Variants in JPH1 observed in about 807,000 individuals in gnomAD.
JPH1 encodes junctophilin 1.
In JPH1, 12 loss-of-function variants were observed where a neutral mutation model predicts 53.6. That is an observed-to-expected ratio of 0.22 (90% CI 0.14 to 0.36). The LOEUF is 0.36. Among genes scored for constraint, JPH1 ranks in the 10% least tolerant of loss-of-function variants. JPH1 has a pLI of 1.00. For synonymous variants in JPH1, 375 were observed against 363.8 expected (o/e 1.03, Z -0.35); for missense variants, 808 against 905.5 (o/e 0.89, Z 1.38).
intron 3 of JPH1, 42 bp from the exon 4 acceptor site, chr8:74,245,217 A>G: frequency 1.3e-6 from 2 of 1,488,294 alleles, no homozygotes; most frequent in South Asian, 1.4e-5. Flanking sequence ...GAAAGGAGGT[A>G]TATATACATA....
chr8:74,284,706 T>C (rs947049255), intron 2 of JPH1, among the ~76,000 whole-genome samples: 1 of 151,612 alleles, frequency 6.6e-6, no homozygotes, highest in African/African-American at 2.4e-5. Flanking sequence ...AAGGCTTTTT[T>C]CCCCCAACAC....
Position 74,305,603 on chromosome 8 carries a change from C to T in JPH1, c.1139+9258G>A, listed in dbSNP as rs564647413. On this transcript the variant is annotated intron_variant, in intron 2 of 5. Transcript: ENST00000342232. Reference sequence around the variant, plus strand: ...CAAGCTCAGGCTTCTACAGTTAAAACAGGGTCAACATGTGTCCCCACAACC... The same window carrying T: ...CAAGCTCAGGCTTCTACAGTTAAAATAGGGTCAACATGTGTCCCCACAACC... 2.0e-5 allele frequency among the ~76,000 whole-genome samples: 3 copies of T among 152,326 alleles called. No individual in the cohort carries two copies. The South Asian group carries it at 6.2e-4, about 32-fold the overall frequency.
intron 2 of JPH1, among the ~76,000 whole-genome samples, chr8:74,261,900 T>C (rs1438939271): frequency 6.6e-6 from 1 of 152,230 alleles, no homozygotes; most frequent in South Asian, 2.1e-4. Flanking sequence ...TACAGTCAAA[T>C]AAAACAGCAG....
Position 74,315,275 on chromosome 8 carries a change from T to A in JPH1, c.725A>T (p.Asp242Val). The change falls in exon 2 of 6, where the codon GAC becomes GTC. Residue 242 changes from aspartate (D) to valine (V), a missense_variant. Transcript: ENST00000342232. This position sits in a 1 kb window ranked among gnomAD's most constrained non-coding sequence, Gnocchi z 6.3. ...GGAACTAATTCTGCTCATGGCCGCG[T>A]CGCTGCGGACAGAGCTGCGCTTGCT... Reference protein sequence around the residue: ...ISSKRSSVRSDAAMSRISSSD... With the variant: ...ISSKRSSVRSVAAMSRISSSD... 1 of 1,614,118 alleles carries A rather than the reference T, an allele frequency of 6.2e-7. No individual in the cohort carries two copies. The highest frequency in any genetic ancestry group is 1.6e-4 in the Middle Eastern group (1 of 6,062).
chr8:74,321,494 T>A lies in JPH1; in HGVS notation c.-207A>T. 2.1e-6 allele frequency: 1 copy of A among 479,524 alleles called. No homozygotes were observed. Among genetic ancestry groups the A allele is most frequent in the South Asian group, 4.7e-5 (1 of 21,450 alleles). The allele number at this position is 479,524 out of a possible 1,614,324, so 29.7% of individuals were successfully genotyped here. A position where few individuals can be genotyped will look rare whatever the true frequency, so the allele number is the denominator to read the frequency against. ...GCCACCGCCGCCTTCCTCCTCCTCC[T>A]CCTCCTCCTTCGCCGCCGCCGCCTG... On this transcript the variant is annotated 5_prime_UTR_variant, in exon 1 of 6. Coordinates refer to ENST00000342232, the MANE Select transcript of JPH1 (RefSeq NM_020647.4). This position sits in a 1 kb window ranked among gnomAD's most constrained non-coding sequence, Gnocchi z 4.3.
At chr8:74,275,493 C>G (rs1806820304) in intron 2 of JPH1, among the ~76,000 whole-genome samples, 1 of 152,184 alleles carries the variant, frequency 6.6e-6, no homozygotes. Flanking sequence ...TTCCCAAGCT[C>G]TCTGGTATTC....
intron 3 of JPH1, among the ~76,000 whole-genome samples, chr8:74,253,587 A>C (rs1806130670): frequency 6.6e-6 from 1 of 152,138 alleles, no homozygotes; most frequent in African/African-American, 2.4e-5. Context: ...CCCTTCAAAA[A>C]ATTAATGAAT....
chr8:74,315,373 G>C lies in JPH1; in HGVS notation c.627C>G (p.Gly209=). The change falls in exon 2 of 6, where the codon GGC becomes GGG. Residue 209 remains glycine (G), a synonymous_variant. Transcript: ENST00000342232. The surrounding 1 kb of genome is among the most constrained non-coding windows in gnomAD (Gnocchi z 6.3). ...GAAGGGAGCCCCTCCGGAAGAGGCC[G>C]CCCTTCTTCTTGCCCGCTAGCTCAG... ...ADAELAGKKK[G]GLFRRGSLLG... The C allele has an allele frequency of 6.2e-7, 1 of 1,612,654 alleles. No homozygotes were observed. Among genetic ancestry groups the C allele is most frequent in the Non-Finnish European group, 8.5e-7 (1 of 1,179,930 alleles).
intron 2 of JPH1, among the ~76,000 whole-genome samples, chr8:74,311,225 T>C (rs1807984957): frequency 6.6e-6 from 1 of 152,238 alleles, no homozygotes; most frequent in Non-Finnish European, 1.5e-5. Context: ...GATGAACTAG[T>C]GACTTCAACA....
chr8:74,253,812 T>C (rs1806139132), intron 3 of JPH1, among the ~76,000 whole-genome samples: 1 of 151,998 alleles, frequency 6.6e-6, no homozygotes, highest in African/African-American at 2.4e-5. Flanking sequence ...ATAAATTCCT[T>C]GACACAAACA....
intron 1 of JPH1, among the ~76,000 whole-genome samples, chr8:74,318,416 A>C (rs990055431): frequency 6.6e-6 from 1 of 152,174 alleles, no homozygotes; most frequent in African/African-American, 2.4e-5. Flanking sequence ...GCATCTAGTT[A>C]ACAAAACGTT....
At chr8:74,312,461 A>T (rs1054073483) in intron 2 of JPH1, among the ~76,000 whole-genome samples, 1 of 152,114 alleles carries the variant, frequency 6.6e-6, no homozygotes, top group Non-Finnish European at 1.5e-5. Flanking sequence ...TGTTGCAGAG[A>T]TTGGTCTTGA....
chr8:74,237,176 T>C (rs770588056), intron 5 of JPH1, 32 bp downstream of exon 5: 4 of 1,347,848 alleles, frequency 3.0e-6, no homozygotes, highest in Non-Finnish European at 4.2e-6. Flanking sequence ...TTATTTACTA[T>C]GATTTTAGAT....
At chr8:74,314,743 A>AT (rs1808090467) in intron 2 of JPH1, 118 bp downstream of exon 2, 1 of 1,198,882 alleles carries the variant, frequency 8.3e-7, no homozygotes, top group Non-Finnish European at 1.2e-6. Context: ...TTCACCTTTG[A>AT]TTTTTTAGTA....
intron 2 of JPH1, among the ~76,000 whole-genome samples, chr8:74,296,142 G>A (rs1807512716): frequency 6.6e-6 from 1 of 151,728 alleles, no homozygotes; most frequent in South Asian, 2.1e-4. Context: ...TTAACTCAAA[G>A]GAGATAAATC....
At chr8:74,274,016 T>C (rs1806778321) in intron 2 of JPH1, among the ~76,000 whole-genome samples, 1 of 152,198 alleles carries the variant, frequency 6.6e-6, no homozygotes, top group African/African-American at 2.4e-5. Context: ...ATTTTAATTC[T>C]GGACAAGTTG....
intron 2 of JPH1, among the ~76,000 whole-genome samples, chr8:74,265,449 G>T (rs1023775558): frequency 1.6e-4 from 25 of 152,096 alleles, no homozygotes; most frequent in African/African-American, 6.0e-4. Context: ...TCCTTGATTG[G>T]AATATGCCAA....
At chr8:74,308,173 CTA>C (rs1563421075) in intron 2 of JPH1, among the ~76,000 whole-genome samples, 3 of 152,278 alleles carry the variant, frequency 2.0e-5, no homozygotes, top group African/African-American at 7.2e-5. Context: ...AATACAAAAG[CTA>C]AGCCAATGTT....
At chr8:74,254,036 C>A (rs866417522) in intron 3 of JPH1, among the ~76,000 whole-genome samples, 3 of 152,138 alleles carry the variant, frequency 2.0e-5, no homozygotes, top group Middle Eastern at 3.2e-3. Context: ...CTCCCTAACT[C>A]ATTTTATGAG....
Sources: gnomAD v4.1 joint callset for allele counts (sites outside exome capture counted in the v4.1 genomes callset) on GRCh38, gnomAD v4.1.1 for gene constraint, Gnocchi (gnomAD v3.1) non-coding constraint, MANE v1.5 for transcripts, NCBI Gene and HGNC (gene_info 2026-07-23, HGNC 2026-07-21) for gene names.